ATP6V0D2: variants seen among roughly 807,000 people sequenced by gnomAD.
ATP6V0D2 encodes V-type proton ATPase subunit d 2.
In ATP6V0D2, 40 loss-of-function variants were observed where a neutral mutation model predicts 40.0. That is an observed-to-expected ratio of 1.00 (90% CI 0.78 to 1.30). The LOEUF (loss-of-function observed/expected upper bound fraction) is 1.30. Ranked by LOEUF, ATP6V0D2 falls within the 50% of genes most tolerant of loss-of-function variation. The probability of loss-of-function intolerance (pLI) is 0.00; values close to 1 mark genes in which losing one functional copy is unlikely to be tolerated. For missense variants in ATP6V0D2, 470 were observed against 423.1 expected, an observed-to-expected ratio of 1.11 and a Z score of -0.97; for synonymous variants, 179 against 156.3, an observed-to-expected ratio of 1.15 and a Z score of -1.08.
At chr8:86,126,287 C>G (rs1818745184) in intron 2 of ATP6V0D2, among the ~76,000 whole-genome samples, 1 of 89,720 alleles carries the variant, frequency 1.1e-5, no homozygotes, top group African/African-American at 3.4e-5. Flanking sequence ...GTATAAAGTT[C>G]AGGTGTACAT....
In ATP6V0D2 at chr8:86,153,063, T is replaced by C; in HGVS notation, c.*86T>C. ...ATAAAAGAAATTATGTTATATTATC[T>C]AGACTACACAAAAGTAAGCCACACT... On this transcript the variant is annotated 3_prime_UTR_variant, in exon 8 of 8. Coordinates refer to ENST00000285393, the MANE Select transcript of ATP6V0D2 (RefSeq NM_152565.1). 8.3e-7 allele frequency: 1 copy of C among 1,206,068 alleles called. No homozygotes were observed. Among genetic ancestry groups the C allele is most frequent in the Non-Finnish European group, 1.1e-6 (1 of 897,154 alleles). 74.7% of individuals were successfully genotyped at this position (1,206,068 alleles called of 1,614,324 possible). A position where few individuals can be genotyped will look rare whatever the true frequency, so the allele number is the denominator to read the frequency against.
intron 1 of ATP6V0D2, among the ~76,000 whole-genome samples, chr8:86,109,124 C>T (rs1287200555): frequency 6.6e-6 from 1 of 151,962 alleles, no homozygotes; most frequent in African/African-American, 2.4e-5. Flanking sequence ...TGTGGGCGGC[C>T]CATTGTTTTT....
chr8:86,101,389 G>A (rs1818395362), intron 1 of ATP6V0D2, among the ~76,000 whole-genome samples: 1 of 143,718 alleles, frequency 7.0e-6, no homozygotes, highest in African/African-American at 2.6e-5. Context: ...GAGCCCAAAA[G>A]GTTGAAGCTG....
At chr8:86,143,614 C>T (rs952098672) in intron 5 of ATP6V0D2, among the ~76,000 whole-genome samples, 2 of 152,148 alleles carry the variant, frequency 1.3e-5, no homozygotes, top group Admixed American at 1.3e-4. Context: ...ACTCTCAGTG[C>T]CATCTTGGTT....
intron 2 of ATP6V0D2, among the ~76,000 whole-genome samples, chr8:86,138,818 G>A (rs1228770267): frequency 1.3e-5 from 2 of 152,152 alleles, no homozygotes; most frequent in Admixed American, 6.5e-5. Context: ...AACCAAACAA[G>A]TTCACACCCT....
intron 1 of ATP6V0D2, among the ~76,000 whole-genome samples, chr8:86,100,339 G>T (rs1190383015): frequency 6.6e-6 from 1 of 152,118 alleles, no homozygotes; most frequent in East Asian, 1.9e-4. Flanking sequence ...TAATAAGGTG[G>T]TTTAAAGCTT....
At chr8:86,132,645 T>A (rs1159939208) in intron 2 of ATP6V0D2, among the ~76,000 whole-genome samples, 1 of 152,198 alleles carries the variant, frequency 6.6e-6, no homozygotes, top group African/African-American at 2.4e-5. Flanking sequence ...TCCATGTTGC[T>A]GCAAATGACA....
chr8:86,119,481 G>A (rs146176906), intron 2 of ATP6V0D2, among the ~76,000 whole-genome samples: 1,532 of 151,844 alleles, frequency 0.01, 23 homozygotes, highest in African/African-American at 0.035. Flanking sequence ...TACCCACCTC[G>A]GTCTCCCAAA....
intron 5 of ATP6V0D2, among the ~76,000 whole-genome samples, chr8:86,147,762 C>T (rs1458984541): frequency 6.6e-6 from 1 of 152,114 alleles, no homozygotes; most frequent in Non-Finnish European, 1.5e-5. Flanking sequence ...AAAAAGATGA[C>T]ATTTGATGGG....
intron 2 of ATP6V0D2, among the ~76,000 whole-genome samples, chr8:86,120,837 A>G (rs1291677050): frequency 6.6e-6 from 1 of 152,210 alleles, no homozygotes; most frequent in East Asian, 1.9e-4. Context: ...CAGTCTAGCA[A>G]GATAATGATC....
In ATP6V0D2 at chr8:86,113,807, A is replaced by G; in HGVS notation, c.229A>G (p.Arg77Gly). The G allele has an allele frequency of 1.2e-6, 2 of 1,614,022 alleles. No homozygotes were observed. Among genetic ancestry groups the G allele is most frequent in the Non-Finnish European group, 1.7e-6 (2 of 1,179,950 alleles). The stretch of plus-strand genomic sequence containing the variant: ...CAAAATTGACACTGAGATGAGGAAA[A>G]GACTATGTGGAGAATTTGAGTATTT... ...VSKIDTEMRK[R>G]LCGEFEYFRN... Residue 77 changes from arginine (R) to glycine (G), a missense_variant, in exon 2 of 8, where the codon AGA (arginine) becomes GGA (glycine). By Grantham distance (125) the Arg-to-Gly change is moderately radical. Coordinates refer to ENST00000285393, the MANE Select transcript of ATP6V0D2 (RefSeq NM_152565.1).
intron 2 of ATP6V0D2, among the ~76,000 whole-genome samples, chr8:86,118,601 A>G (rs572229946): frequency 1.3e-4 from 20 of 152,280 alleles, no homozygotes; most frequent in African/African-American, 4.8e-4. Context: ...CCTAATCTTC[A>G]ATAGCTGGCA....
chr8:86,146,472 A>G (rs371787016), intron 5 of ATP6V0D2, among the ~76,000 whole-genome samples: 28 of 152,250 alleles, frequency 1.8e-4, no homozygotes, highest in African/African-American at 6.0e-4. Context: ...TATGCAGAAG[A>G]ATCGCTTGAA....
chr8:86,116,454 C>A (rs990629087), intron 2 of ATP6V0D2, among the ~76,000 whole-genome samples: 5 of 152,164 alleles, frequency 3.3e-5, no homozygotes, highest in African/African-American at 9.7e-5. Context: ...CATCCTCTCA[C>A]CTTGGCCTCC....
chr8:86,098,944 T>G lies in ATP6V0D2; in HGVS notation c.-35T>G. 1.9e-6 allele frequency: 3 copies of G among 1,608,102 alleles called. No homozygotes were observed. Among genetic ancestry groups the G allele is most frequent in the Non-Finnish European group, 2.5e-6 (3 of 1,177,464 alleles). Reference sequence around the variant, plus strand: ...CAGGGGCCGTCCAGGACTACAGAGCTGTTTCACCCTACCTTGGCTTCAATC... The same window carrying G: ...CAGGGGCCGTCCAGGACTACAGAGCGGTTTCACCCTACCTTGGCTTCAATC... On this transcript the variant is annotated 5_prime_UTR_variant, in exon 1 of 8. Coordinates refer to ENST00000285393, the MANE Select transcript of ATP6V0D2 (RefSeq NM_152565.1).
At chr8:86,105,673 GGCGCGATCTCGGCTCACTGCAAGCTCC>G (rs1470208718) in intron 1 of ATP6V0D2, among the ~76,000 whole-genome samples, 1 of 139,872 alleles carries the variant, frequency 7.1e-6, no homozygotes, top group Non-Finnish European at 1.5e-5. Flanking sequence ...GGAGTGCAGT[GGCGCGATCTCGGCTCACTGCAAGCTCC>G]GCCTCCCAGG....
At chr8:86,132,324 T>C (rs2130261497) in intron 2 of ATP6V0D2, among the ~76,000 whole-genome samples, 1 of 152,312 alleles carries the variant, frequency 6.6e-6, no homozygotes. Context: ...TGAGTATTTG[T>C]CATTCTGTGT....
At chr8:86,119,046 A>T (rs1818632593) in intron 2 of ATP6V0D2, among the ~76,000 whole-genome samples, 1 of 152,128 alleles carries the variant, frequency 6.6e-6, no homozygotes, top group Non-Finnish European at 1.5e-5. Context: ...AGGGCAGCCC[A>T]ATTTTATCTG....
At chr8:86,144,696 C>T (rs1459592413) in intron 5 of ATP6V0D2, among the ~76,000 whole-genome samples, 1 of 152,128 alleles carries the variant, frequency 6.6e-6, no homozygotes, top group Non-Finnish European at 1.5e-5. Flanking sequence ...CAGGGTCTCA[C>T]TCTGTTGCCC....
Sources: gnomAD v4.1 joint callset for allele counts (sites outside exome capture counted in the v4.1 genomes callset) on GRCh38, gnomAD v4.1.1 for gene constraint, MANE v1.5 for transcripts, NCBI Gene and HGNC (gene_info 2026-07-23, HGNC 2026-07-21) for gene names.